ADAM12: variants seen among roughly 807,000 people sequenced by gnomAD.
ADAM12 encodes the protein ADAM metallopeptidase domain 12.
Under a neutral mutation model 106.4 loss-of-function variants are expected in ADAM12, and 70 were observed. The observed-to-expected ratio is 0.66, with a 90% CI of 0.54 to 0.80. The LOEUF (loss-of-function observed/expected upper bound fraction) is 0.80, where lower values mean the gene tolerates loss of function less well. ADAM12 is among the 30% of genes least tolerant of loss of function. ADAM12 has a pLI of 0.00. For missense variants in ADAM12, 1,010 were observed against 1,171.9 expected, an observed-to-expected ratio of 0.86 and a Z score of 2.02; for synonymous variants, 420 against 433.5, an observed-to-expected ratio of 0.97 and a Z score of 0.39.
rs190046667 is a variant in ADAM12, at chr10:126,387,748, G to A, written c.88+310C>T. 3.9e-5 allele frequency among the ~76,000 whole-genome samples: 6 copies of A among 152,258 alleles called. No homozygotes were observed. In the East Asian group the frequency reaches 1.2e-3, roughly 30 times the overall value. ...ATCGTCCCGAGTGACACGTGTAAAT[G>A]TCAAGATACAGAGACATCTGCAAAT... On this transcript the variant is annotated intron_variant, in intron 1 of 22. Coordinates refer to ENST00000448723, the MANE Select transcript of ADAM12 (RefSeq NM_001288973.2).
intron 3 of ADAM12, among the ~76,000 whole-genome samples, chr10:126,259,138 T>G (rs756030435): frequency 3.4e-4 from 51 of 152,196 alleles, no homozygotes; most frequent in Non-Finnish European, 6.0e-4. Flanking sequence ...CAGTAGGATC[T>G]TGGTGGTCTG....
chr10:126,143,386 GTA>G (rs970839584), intron 4 of ADAM12, among the ~76,000 whole-genome samples: 3 of 131,312 alleles, frequency 2.3e-5, no homozygotes, highest in Non-Finnish European at 3.5e-5. Context: ...GTGCGTGTGT[GTA>G]TATGTTTGTA....
At chr10:126,258,920 T>C (rs988388233) in intron 3 of ADAM12, among the ~76,000 whole-genome samples, 3 of 152,216 alleles carry the variant, frequency 2.0e-5, no homozygotes, top group African/African-American at 7.2e-5. Context: ...TCCACTAGCC[T>C]GCAAGCTCTT....
chr10:126,343,922 C>A (rs1418388837), intron 1 of ADAM12, among the ~76,000 whole-genome samples: 1 of 152,110 alleles, frequency 6.6e-6, no homozygotes, highest in African/African-American at 2.4e-5. Flanking sequence ...TGCATATTAG[C>A]CCTTTGTCAG....
chr10:126,189,026 A>G (rs1477165806), intron 3 of ADAM12, among the ~76,000 whole-genome samples: 2 of 152,224 alleles, frequency 1.3e-5, no homozygotes, highest in African/African-American at 4.8e-5. Context: ...CATCAGGTGC[A>G]GTGTGAGCCC....
At chr10:126,055,469 A>G (rs951486106) in intron 14 of ADAM12, among the ~76,000 whole-genome samples, 1 of 152,260 alleles carries the variant, frequency 6.6e-6, no homozygotes, top group Non-Finnish European at 1.5e-5. Context: ...GGTGCTGGAT[A>G]CAGCACGCGG....
chr10:126,225,261 CA>C (rs1272756687), intron 3 of ADAM12, among the ~76,000 whole-genome samples: 1 of 152,186 alleles, frequency 6.6e-6, no homozygotes, highest in African/African-American at 2.4e-5. Flanking sequence ...TGTTGTGTCT[CA>C]AGATTCAAAG....
rs748805467 is a variant in ADAM12 at position 126,036,331 on chromosome 10, C to T, written c.2350-6G>A. On this transcript the variant is annotated splice_polypyrimidine_tract_variant and splice_region_variant and intron_variant, in intron 20 of 22. Coordinates refer to ENST00000448723, the MANE Select transcript of ADAM12 (RefSeq NM_001288973.2). ...AGCAATCTCCTGGGATTGTCCTGTA[C>T]AGTCAAAGTAAAAAGCCATGCTATA... is the stretch of plus-strand genomic sequence containing the variant. 45 of 1,567,098 alleles carry T rather than the reference C, an allele frequency of 2.9e-5. No individual in the cohort carries two copies. Among genetic ancestry groups the T allele is most frequent in the Middle Eastern group, 1.7e-4 (1 of 5,972 alleles).
intron 3 of ADAM12, among the ~76,000 whole-genome samples, chr10:126,251,563 A>T (rs1590683898): frequency 1.3e-5 from 2 of 151,528 alleles, no homozygotes; most frequent in South Asian, 4.2e-4. Context: ...GATGGGTGGG[A>T]TGGATGGGAT....
chr10:126,338,352 C>A (rs894759158), intron 1 of ADAM12, among the ~76,000 whole-genome samples: 47 of 146,408 alleles, frequency 3.2e-4, no homozygotes, highest in South Asian at 4.3e-4. Context: ...TCCCGGGTTC[C>A]CGCCATTCTC....
At chr10:126,367,588 A>G (rs1424724491) in intron 1 of ADAM12, among the ~76,000 whole-genome samples, 2 of 151,922 alleles carry the variant, frequency 1.3e-5, no homozygotes, top group East Asian at 1.9e-4. Context: ...AACAAAAGAA[A>G]ATCTTTGAAA....
intron 1 of ADAM12, among the ~76,000 whole-genome samples, chr10:126,356,293 T>A (rs890284754): frequency 6.6e-6 from 1 of 152,190 alleles, no homozygotes; most frequent in African/African-American, 2.4e-5. Flanking sequence ...GAAATTGCAA[T>A]GACCAGCCAG....
In ADAM12 at chr10:126,280,622, C is replaced by A. The variant is rs778641677; in HGVS notation, c.187-1634G>T. Among the ~76,000 whole-genome samples, 47 of 152,246 alleles carry A rather than the reference C, an allele frequency of 3.1e-4. No homozygotes were observed. The Middle Eastern group carries it at 0.014, about 44-fold the overall frequency. ...CTGAGAATTAGATTATTTTAAATAT[C>A]AGGGCCTTCAGGAGGTAAAATTAGG... is the stretch of plus-strand genomic sequence containing the variant. On this transcript the variant is annotated intron_variant, in intron 2 of 22. Transcript: ENST00000448723.
chr10:126,156,751 G>A (rs1395899841), intron 3 of ADAM12, among the ~76,000 whole-genome samples: 2 of 152,228 alleles, frequency 1.3e-5, no homozygotes, highest in East Asian at 3.9e-4. Context: ...CGATGGAGCA[G>A]GAGTCGGCCA....
intron 14 of ADAM12, among the ~76,000 whole-genome samples, chr10:126,058,175 C>T (rs1400753864): frequency 6.6e-6 from 1 of 152,198 alleles, no homozygotes; most frequent in Non-Finnish European, 1.5e-5. Flanking sequence ...TTGTCTTCCT[C>T]TTGTATTTAC....
At chr10:126,089,619 C>T (rs894098266) in intron 11 of ADAM12, among the ~76,000 whole-genome samples, 1 of 152,130 alleles carries the variant, frequency 6.6e-6, no homozygotes, top group Non-Finnish European at 1.5e-5. Flanking sequence ...AATGATGTCC[C>T]GCTGCTCTGC....
At chr10:126,316,944 AT>A (rs1431203652) in intron 2 of ADAM12, among the ~76,000 whole-genome samples, 5 of 152,138 alleles carry the variant, frequency 3.3e-5, no homozygotes, top group Non-Finnish European at 4.4e-5. Context: ...GAGAAAAAAA[AT>A]CACTAAGTAT....
At chr10:126,098,299 G>A (rs1955594478) in intron 10 of ADAM12, 117 bp downstream of exon 10, 3 of 819,308 alleles carry the variant, frequency 3.7e-6, no homozygotes, top group Admixed American at 2.2e-5. Flanking sequence ...AGTAAAAATA[G>A]AGTTAAATCT....
chr10:126,347,908 C>T (rs558503209), intron 1 of ADAM12, among the ~76,000 whole-genome samples: 163 of 152,300 alleles, frequency 1.1e-3, no homozygotes, highest in African/African-American at 3.7e-3. Flanking sequence ...GAATTCTCTG[C>T]TGCTGCTCAG....
Sources: allele counts gnomAD v4.1 joint callset (sites outside exome capture counted in the v4.1 genomes callset), GRCh38; gene constraint gnomAD v4.1.1; transcripts MANE v1.5; gene names NCBI Gene and HGNC (gene_info 2026-07-23, HGNC 2026-07-21).